RASGRF2: variants seen among roughly 807,000 people sequenced by gnomAD.
The protein encoded by RASGRF2 is Ras protein specific guanine nucleotide releasing factor 2, also known as ras-specific guanine nucleotide-releasing factor 2.
A neutral mutation model predicts 151.0 loss-of-function variants in RASGRF2; 76 were observed. That is an observed-to-expected ratio of 0.50 (90% CI 0.42 to 0.61). The LOEUF is 0.61. Ranked by LOEUF, RASGRF2 falls within the 20% of genes least tolerant of loss-of-function variation. RASGRF2 has a pLI of 0.00. For missense variants in RASGRF2, 1,148 were observed against 1,564.6 expected (o/e 0.73, Z 4.49); for synonymous variants, 504 against 566.5 (o/e 0.89, Z 1.57).
chr5:81,043,425 C>G (rs1045977400), intron 2 of RASGRF2, among the ~76,000 whole-genome samples: 2 of 152,160 alleles, frequency 1.3e-5, no homozygotes, highest in African/African-American at 4.8e-5. Flanking sequence ...TGGCCCTAGC[C>G]TAGCCTACAT....
At chr5:81,172,716 A>G (rs1227421324) in intron 17 of RASGRF2, among the ~76,000 whole-genome samples, 1 of 152,040 alleles carries the variant, frequency 6.6e-6, no homozygotes, top group Non-Finnish European at 1.5e-5. Context: ...TATCCCTACC[A>G]TTGTCAAATG....
chr5:81,009,546 C>T (rs994296225), intron 1 of RASGRF2, among the ~76,000 whole-genome samples: 2 of 152,128 alleles, frequency 1.3e-5, no homozygotes, highest in African/African-American at 4.8e-5. Context: ...CTTCCATAAA[C>T]CAAGTTATTC....
intron 12 of RASGRF2, 108 bp from the exon 13 acceptor site, chr5:81,108,888 C>T: frequency 9.6e-7 from 1 of 1,039,710 alleles, no homozygotes; most frequent in Non-Finnish European, 1.2e-6. Flanking sequence ...GTGTAAGAGA[C>T]AGGGAGAGAG....
At chr5:81,125,075 C>A (rs1286079611) in intron 16 of RASGRF2, among the ~76,000 whole-genome samples, 2 of 152,066 alleles carry the variant, frequency 1.3e-5, no homozygotes, top group African/African-American at 4.8e-5. Context: ...TTAGTAGAGA[C>A]GGGTTTTCAC....
chr5:80,970,072 G>A lies in RASGRF2; in HGVS notation c.288+9046G>A, dbSNP rs146230598. On this transcript the variant is annotated intron_variant, in intron 1 of 26. Transcript: ENST00000265080. Reference sequence around the variant, plus strand: ...ACTCCTAACCTCAGGTGATCTGCCCGCCTTGGCCTCCCAAAGTGCTGGGAT... The same window carrying A: ...ACTCCTAACCTCAGGTGATCTGCCCACCTTGGCCTCCCAAAGTGCTGGGAT... Among the ~76,000 whole-genome samples the A allele has an allele frequency of 2.4e-4, 37 of 151,768 alleles. No individual in the cohort carries two copies. In the East Asian group the frequency reaches 6.8e-3, roughly 28 times the overall value.
At position 80,969,501 on chromosome 5, in the gene RASGRF2, T is replaced by G. The variant is rs1162352549; in HGVS notation, c.288+8475T>G. Among the ~76,000 whole-genome samples, 5 of 150,212 alleles carry G rather than the reference T, an allele frequency of 3.3e-5. No individual in the cohort carries two copies. In the East Asian group the frequency reaches 7.8e-4, roughly 24 times the overall value. ...TCTCACTCTGTCACCCACGCTGGAGTGCAGTGGCGCGATCTTGGCTCACTG... is the reference window on the plus strand; with the variant it reads ...TCTCACTCTGTCACCCACGCTGGAGGGCAGTGGCGCGATCTTGGCTCACTG... On this transcript the variant is annotated intron_variant, in intron 1 of 26. Coordinates refer to ENST00000265080, the MANE Select transcript of RASGRF2 (RefSeq NM_006909.3).
chr5:81,034,804 T>TGGGGGGGGGGGG (rs3991135), intron 1 of RASGRF2, among the ~76,000 whole-genome samples: 2 of 89,296 alleles, frequency 2.2e-5, no homozygotes, highest in African/African-American at 4.6e-5. Flanking sequence ...TGTTGTGGGG[T>TGGGGGGGGGGGG]GGGAGGGGGG....
chr5:80,973,742 A>G (rs1289381627), intron 1 of RASGRF2, among the ~76,000 whole-genome samples: 2 of 152,232 alleles, frequency 1.3e-5, no homozygotes, highest in East Asian at 1.9e-4. Flanking sequence ...GGAAGTGGCC[A>G]AGAAGTGATG....
At chr5:80,987,928 G>T (rs545131779) in intron 1 of RASGRF2, among the ~76,000 whole-genome samples, 2 of 150,890 alleles carry the variant, frequency 1.3e-5, no homozygotes, top group East Asian at 3.9e-4. Flanking sequence ...AACACTTCCT[G>T]TTATATCTGT....
chr5:80,970,616 C>G (rs1580151654), intron 1 of RASGRF2, among the ~76,000 whole-genome samples: 1 of 152,114 alleles, frequency 6.6e-6, no homozygotes, highest in African/African-American at 2.4e-5. Flanking sequence ...TTTTCTCCTG[C>G]TTCAGTTTTC....
chr5:81,006,149 C>A (rs1749262049), intron 1 of RASGRF2, among the ~76,000 whole-genome samples: 1 of 152,094 alleles, frequency 6.6e-6, no homozygotes, highest in South Asian at 2.1e-4. Context: ...AATTGTATGG[C>A]TATAGAACCA....
At chr5:81,075,110 G>C (rs1423353558) in intron 5 of RASGRF2, among the ~76,000 whole-genome samples, 1 of 152,210 alleles carries the variant, frequency 6.6e-6, no homozygotes, top group Non-Finnish European at 1.5e-5. Context: ...CAGAGTGAGA[G>C]ATGAGACACC....
At chr5:81,038,461 T>C (rs1750574654) in intron 1 of RASGRF2, among the ~76,000 whole-genome samples, 1 of 152,174 alleles carries the variant, frequency 6.6e-6, no homozygotes, top group African/African-American at 2.4e-5. Flanking sequence ...AAATGTCTTT[T>C]AAAATTTATT....
At chr5:81,162,021 G>A (rs573460012) in intron 17 of RASGRF2, among the ~76,000 whole-genome samples, 1 of 151,952 alleles carries the variant, frequency 6.6e-6, no homozygotes, top group African/African-American at 2.4e-5. Flanking sequence ...GGCTTAAAAC[G>A]CGTAGCCTAA....
intron 2 of RASGRF2, among the ~76,000 whole-genome samples, chr5:81,045,760 T>A (rs1008261773): frequency 4.0e-5 from 6 of 151,418 alleles, no homozygotes; most frequent in African/African-American, 1.4e-4. Context: ...TTTCTTAAAT[T>A]TTTGTTTTCT....
In RASGRF2 at chr5:81,113,905, C is replaced by T. The variant is rs1162038901; in HGVS notation, c.2455C>T (p.Arg819Ter). 2.5e-6 allele frequency: 4 copies of T among 1,612,118 alleles called. No individual in the cohort carries two copies. Among genetic ancestry groups the T allele is most frequent in the Middle Eastern group, 1.7e-4 (1 of 6,046 alleles). ...CGTGGATCTGTGTAACAAGCTAAAA[C>T]GAAGTATTCAAAAAGGTATTATCTA... ...PRVDLCNKLK[R>*]SIQKAVLESA... is the part of the protein sequence containing the mutation. The change falls in exon 15 of 27, where the codon CGA (arginine) becomes TGA (stop). Residue 819 changes from arginine (R) to a stop codon, truncating the protein, a stop_gained. Coordinates refer to ENST00000265080, the MANE Select transcript of RASGRF2 (RefSeq NM_006909.3). LOFTEE classifies it high-confidence loss of function.
At chr5:81,114,055 G>A (rs1021829662) in intron 15 of RASGRF2, 135 bp downstream of exon 15, 2 of 1,197,904 alleles carry the variant, frequency 1.7e-6, no homozygotes, top group Non-Finnish European at 2.3e-6. Flanking sequence ...TGAGCTCAAT[G>A]GTTAGTTAGA....
intron 22 of RASGRF2, 96 bp downstream of exon 22, chr5:81,208,534 C>CTTTTTTTTTTTTTTTTTTTTTTTTTTTT (rs71000806): frequency 4.3e-6 from 1 of 233,324 alleles, no homozygotes; most frequent in African/African-American, 4.4e-5. Context: ...CTGTCACCCA[C>CTTTTTTTTTTTTTTTTTTTTTTTTTTTT]TTTTTTTTTT....
At chr5:81,080,552 A>G in intron 6 of RASGRF2, 44 bp from the exon 7 acceptor site, 1 of 1,561,786 alleles carries the variant, frequency 6.4e-7, no homozygotes, top group East Asian at 2.2e-5. Context: ...TAGGTAATTT[A>G]CCAAGCAACA....
Sources: gnomAD v4.1 joint callset for allele counts (sites outside exome capture counted in the v4.1 genomes callset) on GRCh38, gnomAD v4.1.1 for gene constraint, MANE v1.5 for transcripts, NCBI Gene and HGNC (gene_info 2026-07-23, HGNC 2026-07-21) for gene names.